The following DCX variants were observed in gnomAD, a reference collection of about 807,000 sequenced individuals.
DCX encodes doublecortin, also known as neuronal migration protein doublecortin.
DCX carries 4 observed loss-of-function variants against 20.9 expected under a neutral mutation model. The observed-to-expected ratio is 0.19, with a 90% CI of 0.09 to 0.44. DCX has a LOEUF of 0.44. Ranked by LOEUF, DCX falls within the 20% of genes least tolerant of loss-of-function variation. DCX has a pLI of 0.99. For synonymous variants in DCX, 103 were observed against 111.4 expected (o/e 0.92, Z 0.47); for missense variants, 133 against 296.9 (o/e 0.45, Z 4.06).
At position 111,295,288 on chromosome X, in the gene DCX, A is replaced by G. The variant is rs1423707943; in HGVS notation, c.*6399T>C. Reference sequence around the variant, plus strand: ...ACAATCTGGCTTCTTTAGGTCCACTAATTTCTCTTATATGGACTGTCTATT... The same window carrying G: ...ACAATCTGGCTTCTTTAGGTCCACTGATTTCTCTTATATGGACTGTCTATT... On this transcript the variant is annotated 3_prime_UTR_variant, in exon 7 of 7. Coordinates refer to ENST00000636035, the MANE Select transcript of DCX (RefSeq NM_001195553.2). 8.9e-6 allele frequency: 1 copy of G among 112,113 alleles called. No homozygotes were observed. Among genetic ancestry groups the G allele is most frequent in the Non-Finnish European group, 1.9e-5 (1 of 53,212 alleles). 9.2% of individuals were successfully genotyped at this position (112,113 alleles called of 1,213,427 possible). A position where few individuals can be genotyped will look rare whatever the true frequency, so the allele number is the denominator to read the frequency against.
chrX:111,384,210 G>T (rs1035291821), intron 3 of DCX, among the ~76,000 whole-genome samples: 1 of 110,835 alleles, frequency 9.0e-6, no homozygotes, highest in African/African-American at 3.3e-5. Flanking sequence ...TTGGACTATT[G>T]CCTTCCTCTG....
At chrX:111,393,691 T>G (rs1340827588) in intron 3 of DCX, among the ~76,000 whole-genome samples, 1 of 111,559 alleles carries the variant, frequency 9.0e-6, no homozygotes, top group Non-Finnish European at 1.9e-5. Context: ...CAGACATTTT[T>G]CCAAAGAAGA....
chrX:111,353,705 C>CT (rs1462555905), intron 3 of DCX, among the ~76,000 whole-genome samples: 1 of 111,411 alleles, frequency 9.0e-6, no homozygotes, highest in Non-Finnish European at 1.9e-5. Context: ...AATTCATTCA[C>CT]TTACTGAGTA....
At chrX:111,366,314 A>T (rs1318069070) in intron 3 of DCX, among the ~76,000 whole-genome samples, 1 of 111,754 alleles carries the variant, frequency 8.9e-6, no homozygotes, top group East Asian at 2.8e-4. Flanking sequence ...TCTTCCCCTG[A>T]CATTGTAGAC....
At chrX:111,408,632 GAGAAAGAAAGAAAGAAAGAAAGAAAGAA>G (rs61699743) in intron 2 of DCX, among the ~76,000 whole-genome samples, 139 of 77,998 alleles carry the variant, frequency 1.8e-3, no homozygotes, top group African/African-American at 6.2e-3. Flanking sequence ...AGAAAGAAAA[GAGAAAGAAAGAAAGAAAGAAAGAAAGAA>G]AGAAAGAAAG....
In DCX at chrX:111,298,483, A is replaced by T. The variant is rs1419421374; in HGVS notation, c.*3204T>A. On this transcript the variant is annotated 3_prime_UTR_variant, in exon 7 of 7. Transcript: ENST00000636035. ...CTCCAAGATGCAACATGACCCTGAG[A>T]AATAACTCTCAGGAGCCTAATGGAA... 2 of 112,047 alleles carry T rather than the reference A, an allele frequency of 1.8e-5. No homozygotes were observed. The highest frequency in any genetic ancestry group is 3.8e-5 in the Non-Finnish European group (2 of 53,152). The allele number at this position is 112,047 out of a possible 1,213,427, so 9.2% of individuals were successfully genotyped here.
chrX:111,342,339 TTATATATATATATATATATATATATA>T lies in DCX; in HGVS notation c.706-9212_706-9187del, dbSNP rs60045433. 6.3e-4 allele frequency among the ~76,000 whole-genome samples: 13 copies of T among 20,739 alleles called. 1 individual carries two copies. The highest frequency in any genetic ancestry group is 6.9e-3 in the South Asian group (1 of 144). 18.0% of individuals were successfully genotyped at this position (20,739 alleles called of 115,157 possible). A position where few individuals can be genotyped will look rare whatever the true frequency, so the allele number is the denominator to read the frequency against. ...ACAATTCAACAAGAAGAGCTAACTATTATATATATATATATATATATATATATATATATATATATATATCCATCCAA... is the reference window on the plus strand; with the variant it reads ...ACAATTCAACAAGAAGAGCTAACTATTATATATATATATATATCCATCCAA... On this transcript the variant is annotated intron_variant, in intron 3 of 6. Coordinates refer to ENST00000636035, the MANE Select transcript of DCX (RefSeq NM_001195553.2).
At position 111,345,305 on chromosome X, in the gene DCX, G is replaced by T. The variant is rs540161805; in HGVS notation, c.706-12152C>A. Among the ~76,000 whole-genome samples, 9 of 111,834 alleles carry T rather than the reference G, an allele frequency of 8.0e-5. No individual in the cohort carries two copies. The South Asian group carries it at 3.0e-3, about 37-fold the overall frequency. On this transcript the variant is annotated intron_variant, in intron 3 of 6. Coordinates refer to ENST00000636035, the MANE Select transcript of DCX (RefSeq NM_001195553.2). ...CATAAGAACCCTAGAAGAAAACCTA[G>T]GCAATACCATTCAGGACATAGGCAC...
intron 3 of DCX, among the ~76,000 whole-genome samples, chrX:111,352,747 C>T (rs933196054): frequency 9.1e-6 from 1 of 110,169 alleles, no homozygotes; most frequent in African/African-American, 3.3e-5. Flanking sequence ...AGGTGCCAGC[C>T]CCAGGGAAGA....
chrX:111,373,784 T>C (rs971677273), intron 3 of DCX, among the ~76,000 whole-genome samples: 4 of 111,848 alleles, frequency 3.6e-5, no homozygotes, highest in Non-Finnish European at 5.6e-5. Flanking sequence ...CCATATCTTA[T>C]TATCACAAGA....
chrX:111,306,403 T>C (rs975312949), intron 6 of DCX, among the ~76,000 whole-genome samples: 1 of 111,672 alleles, frequency 9.0e-6, no homozygotes, highest in South Asian at 3.7e-4. Flanking sequence ...TATTTATATA[T>C]CTTAACAGAG....
At chrX:111,398,958 A>C (rs942750407) in intron 3 of DCX, among the ~76,000 whole-genome samples, 39 of 110,449 alleles carry the variant, frequency 3.5e-4, no homozygotes, top group African/African-American at 1.3e-3. Flanking sequence ...ACTAAAATAC[A>C]AAAAAATTAG....
intron 3 of DCX, among the ~76,000 whole-genome samples, chrX:111,371,399 G>A (rs1925075207): frequency 9.0e-6 from 1 of 111,091 alleles, no homozygotes; most frequent in Non-Finnish European, 1.9e-5. Context: ...CTGTAATTGA[G>A]GCAGTGGAGC....
At chrX:111,394,064 C>CA (rs1330343944) in intron 3 of DCX, among the ~76,000 whole-genome samples, 1 of 111,887 alleles carries the variant, frequency 8.9e-6, no homozygotes, top group East Asian at 2.8e-4. Flanking sequence ...AGCATTATCA[C>CA]AATAGCCAAA....
intron 2 of DCX, 28 bp downstream of exon 2, chrX:111,410,007 A>T (rs1928561978): frequency 8.3e-7 from 1 of 1,208,862 alleles, no homozygotes; most frequent in South Asian, 1.8e-5. Context: ...ACCTCCCACC[A>T]ACGGCCACCA....
chrX:111,304,419 T>G lies in DCX; in HGVS notation c.1045-2676A>C, dbSNP rs73545255. Among the ~76,000 whole-genome samples the G allele has an allele frequency of 8.0e-3, 892 of 112,109 alleles. 8 individuals are homozygous for G. The highest frequency in any genetic ancestry group is 0.022 in the African/African-American group (672 of 30,848). On this transcript the variant is annotated intron_variant, in intron 6 of 6. Transcript: ENST00000636035. ...ATACTAAGATTTTTGGTGTTTCAAC[T>G]TGCCTTATTTCCATTTTTCCTCTCC...
chrX:111,329,452 G>C (rs764935424), intron 5 of DCX, among the ~76,000 whole-genome samples: 46 of 111,469 alleles, frequency 4.1e-4, no homozygotes, highest in African/African-American at 1.3e-3. Flanking sequence ...TACCTTTGAG[G>C]GGCTCAGCAT....
In DCX at chrX:111,341,885, T is replaced by C. The variant is rs773454683; in HGVS notation, c.706-8732A>G. 9.0e-4 allele frequency among the ~76,000 whole-genome samples: 99 copies of C among 110,047 alleles called. 3 individuals carry two copies. Among genetic ancestry groups the C allele is most frequent in the African/African-American group, 2.9e-3 (87 of 30,279 alleles). On this transcript the variant is annotated intron_variant, in intron 3 of 6. Coordinates refer to ENST00000636035, the MANE Select transcript of DCX (RefSeq NM_001195553.2). ...GAGCTCCTGAAAGAAGCACTAAATA[T>C]GGAAGGGAAAAACTGGTACCAGCCA...
At chrX:111,340,375 C>T (rs751188311) in intron 3 of DCX, among the ~76,000 whole-genome samples, 4 of 112,214 alleles carry the variant, frequency 3.6e-5, no homozygotes, top group South Asian at 3.8e-4. Flanking sequence ...CTCTGATCTC[C>T]GTGGGCCTGA....
Sources: gnomAD v4.1 joint callset for allele counts (sites outside exome capture counted in the v4.1 genomes callset) on GRCh38, gnomAD v4.1.1 for gene constraint, MANE v1.5 for transcripts, NCBI Gene and HGNC (gene_info 2026-07-23, HGNC 2026-07-21) for gene names.